Variants in PLXNA4 observed in about 807,000 individuals in gnomAD.
The protein encoded by PLXNA4 is plexin-A4.
Under a neutral mutation model 191.8 loss-of-function variants are expected in PLXNA4, and 44 were observed. The observed-to-expected ratio is 0.23, with a 90% CI of 0.18 to 0.29. PLXNA4 has a LOEUF of 0.29. Ranked by LOEUF, PLXNA4 falls within the 10% of genes least tolerant of loss-of-function variation. The pLI, the probability that PLXNA4 is intolerant of heterozygous loss-of-function variation, is 1.00. For synonymous variants in PLXNA4, 1,082 were observed against 1,009.5 expected (o/e 1.07, Z -1.36); for missense variants, 1,800 against 2,488.8 (o/e 0.72, Z 5.89).
chr7:132,493,916 A>C (rs906166133), intron 2 of PLXNA4, among the ~76,000 whole-genome samples: 2 of 152,208 alleles, frequency 1.3e-5, no homozygotes, highest in Non-Finnish European at 2.9e-5. Context: ...GACCTTGAGA[A>C]AGTCACTTAA....
intron 4 of PLXNA4, among the ~76,000 whole-genome samples, chr7:132,284,698 C>T (rs1800618277): frequency 6.6e-6 from 1 of 152,088 alleles, no homozygotes; most frequent in Non-Finnish European, 1.5e-5. Context: ...ACTCTTGGCA[C>T]CAAAAACACC....
intron 3 of PLXNA4, among the ~76,000 whole-genome samples, chr7:132,395,699 GGA>G (rs1793729681): frequency 6.6e-6 from 1 of 152,192 alleles, no homozygotes; most frequent in African/African-American, 2.4e-5. Context: ...TGGAGAGAGG[GGA>G]GAGTATTACT....
At position 132,411,898 on chromosome 7, in the gene PLXNA4, C is replaced by A. The variant is rs73726048; in HGVS notation, c.1371+77394G>T. On this transcript the variant is annotated intron_variant, in intron 3 of 31. Coordinates refer to ENST00000321063, the MANE Select transcript of PLXNA4 (RefSeq NM_020911.2). ...TCACATGTTCACATCCCTGAATGCTCTGACCACCCCAGACATTTCTGAAAT... is the reference window on the plus strand; with the variant it reads ...TCACATGTTCACATCCCTGAATGCTATGACCACCCCAGACATTTCTGAAAT... Among the ~76,000 whole-genome samples the A allele has an allele frequency of 3.9e-3, 591 of 152,322 alleles. 8 individuals carry two copies. The highest frequency in any genetic ancestry group is 0.014 in the African/African-American group (571 of 41,574).
At chr7:132,294,985 T>C (rs1468902657) in intron 4 of PLXNA4, among the ~76,000 whole-genome samples, 2 of 152,234 alleles carry the variant, frequency 1.3e-5, no homozygotes, top group Non-Finnish European at 2.9e-5. Context: ...CAAATTTCTG[T>C]TGTTTAAGCT....
intron 2 of PLXNA4, among the ~76,000 whole-genome samples, chr7:132,587,147 C>T (rs1802518852): frequency 1.3e-5 from 2 of 152,082 alleles, no homozygotes; most frequent in African/African-American, 4.8e-5. Flanking sequence ...AGTTTGAGCA[C>T]ATTCAGGAGA....
chr7:132,500,249 C>T (rs1798190770), intron 2 of PLXNA4, among the ~76,000 whole-genome samples: 1 of 152,172 alleles, frequency 6.6e-6, no homozygotes, highest in South Asian at 2.1e-4. Context: ...TTGAAACCAG[C>T]TTGGCCAGCG....
intron 3 of PLXNA4, chr7:132,384,213 C>A: frequency 2.0e-6 from 2 of 985,414 alleles, no homozygotes; most frequent in Non-Finnish European, 2.4e-6. Context: ...AGGAACTATA[C>A]GAGGTTTAGT....
Position 132,130,324 on chromosome 7 carries a change from A to AGAAAC in PLXNA4, c.*150_*154dup, listed in dbSNP as rs1323015326. ...AAGAGAAGAGATCCAGGAAGGAGGGAGAAACGGAAAGAGGCAGAGAGAAAG... is the reference window on the plus strand; with the variant it reads ...AAGAGAAGAGATCCAGGAAGGAGGGAGAAACGAAACGGAAAGAGGCAGAGAGAAAG... On this transcript the variant is annotated 3_prime_UTR_variant, in exon 32 of 32. Coordinates refer to ENST00000321063, the MANE Select transcript of PLXNA4 (RefSeq NM_020911.2). 2 of 1,039,054 alleles carry AGAAAC rather than the reference A, an allele frequency of 1.9e-6. No individual in the cohort carries two copies. The highest frequency in any genetic ancestry group is 2.8e-6 in the Non-Finnish European group (2 of 719,974). The allele number at this position is 1,039,054 out of a possible 1,614,324, so 64.4% of individuals were successfully genotyped here. A position where few individuals can be genotyped will look rare whatever the true frequency, so the allele number is the denominator to read the frequency against.
In PLXNA4 at chr7:132,570,658, T is replaced by C. The variant is rs1801937310; in HGVS notation, c.-87+5764A>G. Among the ~76,000 whole-genome samples, 4 of 152,208 alleles carry C rather than the reference T, an allele frequency of 2.6e-5. No homozygotes were observed. In the South Asian group the frequency reaches 6.2e-4, roughly 24 times the overall value. ...CCACTGCTTCTCTCCTCATACTTCA[T>C]AATGAAAATACTCTACCCTGTAAGA... On this transcript the variant is annotated intron_variant, in intron 1 of 31. Transcript: ENST00000321063.
chr7:132,588,657 AAGGGAAGG>A, intron 2 of PLXNA4, among the ~76,000 whole-genome samples: 1 of 111,510 alleles, frequency 9.0e-6, no homozygotes, highest in African/African-American at 3.3e-5. Flanking sequence ...AAGGGAAGGG[AAGGGAAGG>A]GAAGGGAAGG....
At chr7:132,145,492 A>G in intron 28 of PLXNA4, 1 of 688,788 alleles carries the variant, frequency 1.5e-6, no homozygotes. Context: ...CACATGGAAA[A>G]GAGATATAAC....
intron 3 of PLXNA4, among the ~76,000 whole-genome samples, chr7:132,340,493 C>T (rs1423056928): frequency 6.6e-6 from 1 of 152,186 alleles, no homozygotes; most frequent in Non-Finnish European, 1.5e-5. Flanking sequence ...TTCTACCTTC[C>T]TGTCCCTGTC....
chr7:132,430,952 G>T (rs1029765217), intron 3 of PLXNA4, among the ~76,000 whole-genome samples: 2 of 152,194 alleles, frequency 1.3e-5, no homozygotes, highest in African/African-American at 4.8e-5. Context: ...GCGGGAGGAG[G>T]TGGGACTTGT....
At chr7:132,183,985 G>T (rs574657644) in intron 16 of PLXNA4, among the ~76,000 whole-genome samples, 3 of 152,212 alleles carry the variant, frequency 2.0e-5, no homozygotes, top group Non-Finnish European at 2.9e-5. Flanking sequence ...AGTGAGCATG[G>T]CTGTGCGCCA....
intron 3 of PLXNA4, among the ~76,000 whole-genome samples, chr7:132,378,352 C>T (rs1015198792): frequency 2.0e-5 from 3 of 152,136 alleles, no homozygotes; most frequent in Non-Finnish European, 4.4e-5. Flanking sequence ...TTCTCACCAC[C>T]CCTGGCACAT....
chr7:132,425,681 C>A (rs1795014186), intron 3 of PLXNA4, among the ~76,000 whole-genome samples: 1 of 152,040 alleles, frequency 6.6e-6, no homozygotes, highest in Non-Finnish European at 1.5e-5. Flanking sequence ...AAGAAAAGGG[C>A]AGAGGACAAA....
intron 4 of PLXNA4, among the ~76,000 whole-genome samples, chr7:132,244,145 C>T (rs78213662): frequency 0.024 from 3,656 of 152,268 alleles, 147 homozygotes; most frequent in African/African-American, 0.082. Context: ...CCAGCCACAG[C>T]TCTGCCCCCC....
At chr7:132,340,332 C>G (rs1215654702) in intron 3 of PLXNA4, among the ~76,000 whole-genome samples, 2 of 152,182 alleles carry the variant, frequency 1.3e-5, no homozygotes, top group Non-Finnish European at 2.9e-5. Flanking sequence ...AAACAAGATA[C>G]AGAGGATGTG....
chr7:132,600,407 C>A (rs1192560927), intron 2 of PLXNA4, among the ~76,000 whole-genome samples: 1 of 152,088 alleles, frequency 6.6e-6, no homozygotes, highest in African/African-American at 2.4e-5. Flanking sequence ...TCTGTCACCC[C>A]AGCTGGAGTG....
Sources: gnomAD v4.1 joint callset for allele counts (sites outside exome capture counted in the v4.1 genomes callset) on GRCh38, gnomAD v4.1.1 for gene constraint, MANE v1.5 for transcripts, NCBI Gene and HGNC (gene_info 2026-07-23, HGNC 2026-07-21) for gene names.